Variants in WDR41 observed in about 807,000 individuals in gnomAD.
The protein encoded by WDR41 is WD repeat domain 41, also known as WD repeat-containing protein 41.
WDR41 carries 63 observed loss-of-function variants against 69.3 expected under a neutral mutation model. That is an observed-to-expected ratio of 0.91 (90% CI 0.74 to 1.12). WDR41 has a LOEUF of 1.12. WDR41 is among the 50% of genes most tolerant of loss of function. The pLI is 0.00. For synonymous variants in WDR41, 185 were observed against 192.1 expected (o/e 0.96, Z 0.31); for missense variants, 543 against 534.5 (o/e 1.02, Z -0.16).
chr5:77,476,486 T>C (rs1448125439), intron 2 of WDR41, among the ~76,000 whole-genome samples: 23 of 152,228 alleles, frequency 1.5e-4, no homozygotes, highest in East Asian at 1.9e-4. Flanking sequence ...TGGCAGAAAC[T>C]CTACAAGCCA....
In WDR41 at chr5:77,437,428, T is replaced by C; in HGVS notation, c.1005-4A>G. On this transcript the variant is annotated splice_polypyrimidine_tract_variant and splice_region_variant and intron_variant, in intron 10 of 12. Transcript: ENST00000296679. ...TTCTGAGCATGAGATTAACTGCCTGTCAGAACAGAAAATCAGTAATACAAA... is the reference window on the plus strand; with the variant it reads ...TTCTGAGCATGAGATTAACTGCCTGCCAGAACAGAAAATCAGTAATACAAA... The C allele has an allele frequency of 6.2e-7, 1 of 1,613,316 alleles. No individual in the cohort carries two copies. The highest frequency in any genetic ancestry group is 8.5e-7 in the Non-Finnish European group (1 of 1,179,546).
intron 1 of WDR41, chr5:77,499,696 T>C (rs990895070): frequency 6.6e-6 from 1 of 152,016 alleles, no homozygotes; most frequent in Non-Finnish European, 1.5e-5. Flanking sequence ...ACCAGAGAGA[T>C]AGTGGAAATA....
chr5:77,597,230 C>T (rs1421509168), intron 1 of WDR41, among the ~76,000 whole-genome samples: 1 of 152,108 alleles, frequency 6.6e-6, no homozygotes, highest in African/African-American at 2.4e-5. Flanking sequence ...CTTTGAGAAC[C>T]ACTGCTCTAA....
chr5:77,608,921 G>A (rs1188425460), intron 1 of WDR41, among the ~76,000 whole-genome samples: 5 of 152,192 alleles, frequency 3.3e-5, no homozygotes, highest in South Asian at 4.1e-4. Context: ...GGTGACAGAC[G>A]GCACCTGGAA....
chr5:77,432,972 C>T lies in WDR41; in HGVS notation c.*163G>A. 5 of 680,988 alleles carry T rather than the reference C, an allele frequency of 7.3e-6. No individual in the cohort carries two copies. Among genetic ancestry groups the T allele is most frequent in the South Asian group, 6.8e-5 (3 of 43,800 alleles). The allele number at this position is 680,988 out of a possible 1,614,324, so 42.2% of individuals were successfully genotyped here. Reference sequence around the variant, plus strand: ...GGATATACTAGGACCTGAGAAGCAACATGTTCCTGGTTGGTAGGTCCACAA... The same window carrying T: ...GGATATACTAGGACCTGAGAAGCAATATGTTCCTGGTTGGTAGGTCCACAA... On this transcript the variant is annotated 3_prime_UTR_variant, in exon 13 of 13. Coordinates refer to ENST00000296679, the MANE Select transcript of WDR41 (RefSeq NM_018268.4).
In WDR41 at chr5:77,612,301, C is replaced by T. The variant is rs117116742; in HGVS notation, c.42+8178G>A. On this transcript the variant is annotated intron_variant, in intron 1 of 5. Coordinates refer to the WDR41 transcript ENST00000509971. ...TTCCTAACTAATTTTATGAGGCCAG[C>T]GTCATCCTGACACCCAAAACCAGGC... Among the ~76,000 whole-genome samples the T allele has an allele frequency of 1.8e-3, 274 of 152,288 alleles. 2 individuals carry two copies. Among genetic ancestry groups the T allele is most frequent in the East Asian group, 0.015 (80 of 5,186 alleles).
intron 1 of WDR41, among the ~76,000 whole-genome samples, chr5:77,618,234 C>CA (rs1183546944): frequency 6.6e-6 from 1 of 152,164 alleles, no homozygotes; most frequent in Non-Finnish European, 1.5e-5. Context: ...TCCTACGCCC[C>CA]ATTCCCAGGG....
chr5:77,530,547 T>C lies in WDR41; in HGVS notation c.43-40975A>G, dbSNP rs115406304. Among the ~76,000 whole-genome samples the C allele has an allele frequency of 4.7e-3, 715 of 151,830 alleles. 1 individual carries two copies. Among genetic ancestry groups the C allele is most frequent in the African/African-American group, 0.017 (689 of 41,538 alleles). ...ACTGAACAAGTCTATTTATATGAAGTTCTAGAATAGGCAAAACTAATCTAT... is the reference window on the plus strand; with the variant it reads ...ACTGAACAAGTCTATTTATATGAAGCTCTAGAATAGGCAAAACTAATCTAT... On this transcript the variant is annotated intron_variant, in intron 1 of 5. Coordinates refer to the WDR41 transcript ENST00000509971.
At chr5:77,441,739 A>ACAC (rs1561729413) in intron 8 of WDR41, among the ~76,000 whole-genome samples, 2 of 150,308 alleles carry the variant, frequency 1.3e-5, no homozygotes, top group African/African-American at 4.9e-5. Flanking sequence ...CTCAGTCTAA[A>ACAC]ACACACACAC....
Position 77,449,777 on chromosome 5 carries a change from G to C in WDR41, c.680C>G (p.Ser227Ter). Reference sequence around the variant, plus strand: ...GAGCTTACCATTGACATTAATCAATGAGAGAATATTATCCTGGTGATCAAG... The same window carrying C: ...GAGCTTACCATTGACATTAATCAATCAGAGAATATTATCCTGGTGATCAAG... Reference protein sequence around the residue: ...RLLDHQDNILSLINVNDLSFV... With the variant: ...RLLDHQDNIL The change falls in exon 8 of 13, where the codon TCA becomes TGA. Residue 227 changes from serine to a stop codon, truncating the protein, a stop_gained. Transcript: ENST00000296679. LOFTEE classifies it high-confidence loss of function. 1 of 1,609,998 alleles carries C rather than the reference G, an allele frequency of 6.2e-7. No homozygotes were observed. Among genetic ancestry groups the C allele is most frequent in the Non-Finnish European group, 8.5e-7 (1 of 1,176,374 alleles).
At chr5:77,511,785 T>C (rs1802206537) in intron 1 of WDR41, among the ~76,000 whole-genome samples, 1 of 152,008 alleles carries the variant, frequency 6.6e-6, no homozygotes, top group Admixed American at 6.6e-5. Flanking sequence ...CTATTTAGAA[T>C]GCAGGTAAGT....
chr5:77,536,576 T>C (rs1742987627), intron 1 of WDR41, among the ~76,000 whole-genome samples: 1 of 152,156 alleles, frequency 6.6e-6, no homozygotes, highest in African/African-American at 2.4e-5. Context: ...ATTAACAACA[T>C]TTCAGTCAAT....
At position 77,466,941 on chromosome 5, in the gene WDR41, G is replaced by A. The variant is rs138586518; in HGVS notation, c.168-2132C>T. On this transcript the variant is annotated intron_variant, in intron 2 of 12. Transcript: ENST00000296679. ...CATAAAAAAACTAATAAAGGGTTGA[G>A]ATATCATTCACAAATTACAATTACC... Among the ~76,000 whole-genome samples the A allele has an allele frequency of 3.5e-3, 537 of 151,442 alleles. 3 individuals carry two copies. The highest frequency in any genetic ancestry group is 0.012 in the African/African-American group (498 of 41,390).
At chr5:77,543,406 C>A (rs1391921449) in intron 1 of WDR41, among the ~76,000 whole-genome samples, 1 of 151,224 alleles carries the variant, frequency 6.6e-6, no homozygotes, top group African/African-American at 2.5e-5. Context: ...ATCCAAAAAA[C>A]GATGCAAGTG....
At chr5:77,607,351 G>C (rs530786836) in intron 1 of WDR41, among the ~76,000 whole-genome samples, 2 of 152,298 alleles carry the variant, frequency 1.3e-5, no homozygotes, top group Non-Finnish European at 2.9e-5. Context: ...AAGAAGAAGG[G>C]AGAATAGAAA....
intron 1 of WDR41, among the ~76,000 whole-genome samples, chr5:77,588,888 A>G (rs1394641066): frequency 6.6e-6 from 1 of 152,194 alleles, no homozygotes; most frequent in Non-Finnish European, 1.5e-5. Context: ...GACAGATATT[A>G]TTTTCTCAGT....
At chr5:77,516,969 T>C (rs1311287524) in intron 1 of WDR41, among the ~76,000 whole-genome samples, 8 of 150,590 alleles carry the variant, frequency 5.3e-5, no homozygotes, top group African/African-American at 1.7e-4. Context: ...TGAGCCGAGA[T>C]TGCGCCACTT....
chr5:77,489,680 C>T (rs557397312), intron 1 of WDR41, 108 bp from the exon 2 acceptor site: 2 of 570,444 alleles, frequency 3.5e-6, no homozygotes, highest in African/African-American at 1.9e-5. Flanking sequence ...TCTGAGAACA[C>T]AAGATTTTAA....
intron 1 of WDR41, chr5:77,491,149 CA>C (rs34147832): frequency 4.9e-6 from 2 of 406,898 alleles, no homozygotes; most frequent in Non-Finnish European, 9.9e-6. Flanking sequence ...CATTCCACCA[CA>C]AAAGTGAAAA....
Sources: allele counts gnomAD v4.1 joint callset (sites outside exome capture counted in the v4.1 genomes callset), GRCh38; gene constraint gnomAD v4.1.1; transcripts MANE v1.5; gene names NCBI Gene and HGNC (gene_info 2026-07-23, HGNC 2026-07-21).